The following SYNE2 variants were observed in gnomAD, a reference collection of about 807,000 sequenced individuals.
SYNE2 encodes the protein spectrin repeat containing nuclear envelope protein 2.
SYNE2 carries 431 observed loss-of-function variants against 856.3 expected under a neutral mutation model. That is an observed-to-expected ratio of 0.50 (90% CI 0.47 to 0.55). SYNE2 has a LOEUF of 0.55. Ranked by LOEUF, SYNE2 falls within the 20% of genes least tolerant of loss-of-function variation. The probability of loss-of-function intolerance (pLI) is 0.00; values close to 1 mark genes in which losing one functional copy is unlikely to be tolerated. For missense variants in SYNE2, 8,129 were observed against 8,023.2 expected (o/e 1.01, Z -0.50); for synonymous variants, 2,923 against 2,872.3 (o/e 1.02, Z -0.56).
At chr14:64,132,972 G>T (rs1050815913) in intron 77 of SYNE2, among the ~76,000 whole-genome samples, 2 of 152,076 alleles carry the variant, frequency 1.3e-5, no homozygotes, top group Non-Finnish European at 2.9e-5. Context: ...GGAGGCGGAG[G>T]GGGGCAGATC....
rs1371248545 is a variant in SYNE2 at position 64,125,078 on chromosome 14, G to A, written c.13423-1G>A. On this transcript the variant is annotated splice_acceptor_variant, in intron 70 of 115. Coordinates refer to ENST00000555002, the MANE Select transcript of SYNE2 (RefSeq NM_182914.3). LOFTEE classifies it high-confidence loss of function. ...TAATAGGGTTTTCCTTTGTCAAATA[G>A]GTTTCCACAAATATGGGTATTCTAC... 6.2e-7 allele frequency: 1 copy of A among 1,614,040 alleles called. No individual in the cohort carries two copies. Among genetic ancestry groups the A allele is most frequent in the Non-Finnish European group, 8.5e-7 (1 of 1,179,968 alleles).
chr14:63,926,898 G>C (rs914895520), intron 2 of SYNE2, among the ~76,000 whole-genome samples: 2 of 152,182 alleles, frequency 1.3e-5, no homozygotes, highest in Non-Finnish European at 2.9e-5. Context: ...TTTTCTTCTG[G>C]ATGCAACACT....
intron 64 of SYNE2, among the ~76,000 whole-genome samples, chr14:64,106,742 TA>T (rs1032793309): frequency 3.9e-5 from 6 of 152,262 alleles, no homozygotes; most frequent in African/African-American, 1.4e-4. Flanking sequence ...CATATTATTT[TA>T]TTTTTTTATG....
At chr14:64,165,467 AT>A in intron 90 of SYNE2, 57 bp downstream of exon 90, 1 of 1,578,036 alleles carries the variant, frequency 6.3e-7, no homozygotes, top group Non-Finnish European at 8.7e-7. Flanking sequence ...GTTAAAAAAA[AT>A]AAGCTGATTA....
At chr14:64,055,793 A>G in intron 48 of SYNE2, 151 bp from the exon 49 acceptor site, 1 of 562,940 alleles carries the variant, frequency 1.8e-6, no homozygotes, top group Non-Finnish European at 3.1e-6. Context: ...ACAAACCTGC[A>G]CATTGTGCAC....
At position 64,101,914 on chromosome 14, in the gene SYNE2, A is replaced by G; in HGVS notation, c.12382-18A>G. ...AGGGAAGCTCTTCCCTTTGCTAACC[A>G]ATCGTTTACTGTGATAGAATGGAGA... On this transcript the variant is annotated intron_variant, in intron 63 of 115. Transcript: ENST00000555002. 1 of 1,592,860 alleles carries G rather than the reference A, an allele frequency of 6.3e-7. No homozygotes were observed. The highest frequency in any genetic ancestry group is 8.6e-7 in the Non-Finnish European group (1 of 1,160,718).
chr14:63,800,665 C>T (rs1888095188), intron 1 of SYNE2, among the ~76,000 whole-genome samples: 1 of 152,188 alleles, frequency 6.6e-6, no homozygotes, highest in African/African-American at 2.4e-5. Context: ...TTTGTGGGAA[C>T]ATGGATGGAG....
intron 89 of SYNE2, among the ~76,000 whole-genome samples, chr14:64,163,922 C>T (rs1008730473): frequency 6.6e-6 from 1 of 151,928 alleles, no homozygotes; most frequent in Non-Finnish European, 1.5e-5. Context: ...TGTCTTCATT[C>T]ACTTTTTTTT....
intron 47 of SYNE2, among the ~76,000 whole-genome samples, chr14:64,050,325 T>C (rs1416899330): frequency 6.6e-6 from 1 of 152,194 alleles, no homozygotes; most frequent in East Asian, 1.9e-4. Context: ...TGCTATTACA[T>C]TGGTGATTAG....
intron 39 of SYNE2, 142 bp from the exon 40 acceptor site, chr14:64,024,770 T>C: frequency 1.1e-6 from 1 of 932,766 alleles, no homozygotes; most frequent in South Asian, 1.6e-5. Flanking sequence ...TTAGATTTTT[T>C]ATATTACAAA....
intron 99 of SYNE2, among the ~76,000 whole-genome samples, chr14:64,199,194 T>C (rs1046824607): frequency 2.0e-5 from 3 of 152,228 alleles, no homozygotes; most frequent in African/African-American, 7.2e-5. Flanking sequence ...GAGTCCAGAC[T>C]TCTGGTCATG....
At chr14:64,048,271 G>A in intron 46 of SYNE2, 116 bp downstream of exon 46, 1 of 924,714 alleles carries the variant, frequency 1.1e-6, no homozygotes, top group South Asian at 1.7e-5. Flanking sequence ...TTTAACCTTT[G>A]CCTGATGATC....
chr14:64,038,128 C>T (rs1425813320), intron 45 of SYNE2, among the ~76,000 whole-genome samples: 1 of 145,850 alleles, frequency 6.9e-6, no homozygotes, highest in African/African-American at 2.6e-5. Flanking sequence ...CAGACGGGGT[C>T]CCGGCCGGGC....
Position 63,990,355 on chromosome 14 carries a change from T to C in SYNE2, c.2314-56T>C. On this transcript the variant is annotated intron_variant, in intron 19 of 115. Transcript: ENST00000555002. Reference sequence around the variant, plus strand: ...GGTTTCCTGAGATTGTTTTGATTAATGTTTAGCATATAATCAGAATGTTTA... The same window carrying C: ...GGTTTCCTGAGATTGTTTTGATTAACGTTTAGCATATAATCAGAATGTTTA... The C allele has an allele frequency of 3.3e-6, 5 of 1,535,138 alleles. No homozygotes were observed. In the South Asian group the frequency reaches 4.6e-5, roughly 14 times the overall value.
chr14:64,133,690 A>G (rs2067834), intron 77 of SYNE2, among the ~76,000 whole-genome samples: 10,522 of 152,166 alleles, frequency 0.069, 1,091 homozygotes, highest in African/African-American at 0.23. Flanking sequence ...GTAAGGGTCT[A>G]AAAGTTAGCT....
At chr14:64,165,834 T>A (rs374380624) in intron 90 of SYNE2, among the ~76,000 whole-genome samples, 2 of 152,116 alleles carry the variant, frequency 1.3e-5, no homozygotes, top group Non-Finnish European at 2.9e-5. Flanking sequence ...TTGAGCACAG[T>A]CATTTTTATG....
chr14:63,979,808 G>T (rs180857857), intron 14 of SYNE2, among the ~76,000 whole-genome samples: 1 of 152,298 alleles, frequency 6.6e-6, no homozygotes, highest in African/African-American at 2.4e-5. Context: ...GCTGAGGCAG[G>T]AGCATCACTT....
chr14:64,049,485 C>A, intron 46 of SYNE2, 126 bp from the exon 47 acceptor site: 1 of 727,886 alleles, frequency 1.4e-6, no homozygotes, highest in Non-Finnish European at 2.2e-6. Context: ...CTTTAGTTAC[C>A]CTGTGTGCAA....
chr14:63,841,123 AG>A (rs1163813352), intron 1 of SYNE2, among the ~76,000 whole-genome samples: 2 of 152,142 alleles, frequency 1.3e-5, no homozygotes, highest in African/African-American at 2.4e-5. Context: ...AGGGGCTTAG[AG>A]GGGGGGCCCC....
Sources: allele counts gnomAD v4.1 joint callset (sites outside exome capture counted in the v4.1 genomes callset), GRCh38; gene constraint gnomAD v4.1.1; transcripts MANE v1.5; gene names NCBI Gene and HGNC (gene_info 2026-07-23, HGNC 2026-07-21).